The following SV2C variants were observed in gnomAD, a reference collection of about 807,000 sequenced individuals.
SV2C encodes solute carrier family 22 member B3.
A neutral mutation model predicts 79.7 loss-of-function variants in SV2C; 49 were observed. The observed-to-expected ratio is 0.61, with a 90% CI of 0.49 to 0.78. SV2C has a LOEUF of 0.78. SV2C is among the 30% of genes least tolerant of loss of function. The pLI, the probability that SV2C is intolerant of heterozygous loss-of-function variation, is 0.00. For synonymous variants in SV2C, 334 were observed against 333.2 expected (o/e 1.00, Z -0.03); for missense variants, 833 against 912.9 (o/e 0.91, Z 1.13).
chr5:75,895,988 A>G, the SV2C span, among the ~76,000 whole-genome samples: 3 of 152,130 alleles, frequency 2.0e-5, no homozygotes, highest in Non-Finnish European at 4.4e-5. Flanking sequence ...ATACACACAT[A>G]CAAAATGCAC....
At chr5:76,107,662 G>A (rs1032741619) in intron 1 of SV2C, among the ~76,000 whole-genome samples, 1 of 152,092 alleles carries the variant, frequency 6.6e-6, no homozygotes, top group African/African-American at 2.4e-5. Context: ...TCAGGAGTTC[G>A]AGAACAACAT....
At chr5:76,280,163 T>C (rs79248146) in intron 4 of SV2C, among the ~76,000 whole-genome samples, 3,551 of 151,984 alleles carry the variant, frequency 0.023, 142 homozygotes, top group African/African-American at 0.078. Flanking sequence ...TTTTGGATAC[T>C]GGGGAAAAAA....
At chr5:75,929,318 G>T in the SV2C span, among the ~76,000 whole-genome samples, 1 of 151,724 alleles carries the variant, frequency 6.6e-6, no homozygotes, top group African/African-American at 2.4e-5. Context: ...CCACAGTCAG[G>T]ACCCTTGAGC....
At chr5:76,009,185 AGAGAAAT>A in the SV2C span, among the ~76,000 whole-genome samples, 1 of 152,218 alleles carries the variant, frequency 6.6e-6, no homozygotes, top group African/African-American at 2.4e-5. Flanking sequence ...ACTAATCATC[AGAGAAAT>A]GCAAATTAAA....
At chr5:76,252,435 TAAGA>T (rs1261149014) in intron 4 of SV2C, among the ~76,000 whole-genome samples, 5 of 152,278 alleles carry the variant, frequency 3.3e-5, no homozygotes, top group Non-Finnish European at 7.4e-5. Flanking sequence ...GTGATACATT[TAAGA>T]AAGTCAATTT....
rs542168373 is a variant in SV2C, at chr5:76,351,352, G to A, written c.2001-1778G>A. 4.6e-5 allele frequency among the ~76,000 whole-genome samples: 7 copies of A among 152,210 alleles called. No homozygotes were observed. In the South Asian group the frequency reaches 1.5e-3, roughly 32 times the overall value. ...AGACCTAGCTACTCAGGAGGCTGAA[G>A]TGAGAGGATAGCTTGAGCCCAGGTG... On this transcript the variant is annotated intron_variant, in intron 12 of 12. Transcript: ENST00000322285.
chr5:76,055,672 T>G, the SV2C span, among the ~76,000 whole-genome samples: 1 of 152,214 alleles, frequency 6.6e-6, no homozygotes, highest in East Asian at 1.9e-4. Context: ...TCTTATTTCC[T>G]TGAGCAGTGG....
chr5:75,907,770 T>G, the SV2C span, among the ~76,000 whole-genome samples: 1 of 152,196 alleles, frequency 6.6e-6, no homozygotes, highest in East Asian at 1.9e-4. Flanking sequence ...AATCTGATTC[T>G]GAGAAGACCA....
intron 8 of SV2C, among the ~76,000 whole-genome samples, chr5:76,293,772 A>G (rs1312117369): frequency 2.0e-5 from 3 of 152,170 alleles, no homozygotes; most frequent in Non-Finnish European, 4.4e-5. Context: ...AGCACTTTCT[A>G]TGTGCTAGGT....
chr5:75,929,054 C>A, the SV2C span, among the ~76,000 whole-genome samples: 63 of 152,110 alleles, frequency 4.1e-4, no homozygotes, highest in Non-Finnish European at 4.0e-4. Context: ...GTTTCAAATT[C>A]TCTCTGCTTA....
chr5:75,983,507 T>G, the SV2C span, among the ~76,000 whole-genome samples: 25 of 151,672 alleles, frequency 1.6e-4, no homozygotes, highest in Non-Finnish European at 3.5e-4. Flanking sequence ...ATAATTGTAG[T>G]GCAAATATCT....
chr5:76,130,018 C>G (rs1748826449), intron 1 of SV2C, among the ~76,000 whole-genome samples: 1 of 151,738 alleles, frequency 6.6e-6, no homozygotes, highest in Admixed American at 6.6e-5. Context: ...TGCCCCTTTT[C>G]CCTGACTTCT....
At chr5:76,038,335 G>A in the SV2C span, among the ~76,000 whole-genome samples, 6 of 152,232 alleles carry the variant, frequency 3.9e-5, no homozygotes, top group East Asian at 1.2e-3. Context: ...AGGGGATTGA[G>A]GGTTAGGGGA....
intron 4 of SV2C, among the ~76,000 whole-genome samples, chr5:76,281,738 T>C (rs4546360): frequency 0.14 from 21,807 of 152,172 alleles, 1,812 homozygotes; most frequent in African/African-American, 0.22. Flanking sequence ...TCAAAGCCAG[T>C]AGCACAGCAT....
chr5:75,965,835 G>GA, the SV2C span, among the ~76,000 whole-genome samples: 29 of 144,228 alleles, frequency 2.0e-4, no homozygotes, highest in East Asian at 8.0e-4. Flanking sequence ...CAGTTCTCCA[G>GA]AAAAAAAAAA....
intron 12 of SV2C, among the ~76,000 whole-genome samples, chr5:76,305,874 T>C (rs1199220795): frequency 6.6e-6 from 1 of 152,208 alleles, no homozygotes; most frequent in Non-Finnish European, 1.5e-5. Context: ...GACTGGGACA[T>C]GATGATTTAA....
chr5:76,065,681 G>A, the SV2C span, among the ~76,000 whole-genome samples: 1 of 151,872 alleles, frequency 6.6e-6, no homozygotes, highest in East Asian at 1.9e-4. Flanking sequence ...TAGGTTTTTC[G>A]CTTAATATAA....
chr5:76,107,015 C>T (rs759324998), intron 1 of SV2C, among the ~76,000 whole-genome samples: 1 of 152,064 alleles, frequency 6.6e-6, no homozygotes, highest in African/African-American at 2.4e-5. Context: ...AACGTATTCA[C>T]AAATCATAAA....
the SV2C span, among the ~76,000 whole-genome samples, chr5:75,981,212 CAG>C: frequency 6.6e-6 from 1 of 152,028 alleles, no homozygotes; most frequent in East Asian, 1.9e-4. Context: ...TCAAACAAAT[CAG>C]AGACTACACA....
Sources: gnomAD v4.1 joint callset for allele counts (sites outside exome capture counted in the v4.1 genomes callset) on GRCh38, gnomAD v4.1.1 for gene constraint, MANE v1.5 for transcripts, NCBI Gene and HGNC (gene_info 2026-07-23, HGNC 2026-07-21) for gene names.